MAP4: variants seen among roughly 807,000 people sequenced by gnomAD.
The protein encoded by MAP4 is microtubule-associated protein 4.
In MAP4, 76 loss-of-function variants were observed where a neutral mutation model predicts 170.2. The observed-to-expected ratio is 0.45, with a 90% confidence interval of 0.37 to 0.54. MAP4 has a LOEUF of 0.54. Among genes scored for constraint, MAP4 ranks in the 20% least tolerant of loss-of-function variants. The probability of loss-of-function intolerance (pLI) is 0.00; values close to 1 mark genes in which losing one functional copy is unlikely to be tolerated. For synonymous variants in MAP4, 909 were observed against 994.5 expected (o/e 0.91, Z 1.62); for missense variants, 2,506 against 2,748.0 (o/e 0.91, Z 1.97).
At chr3:48,059,282 A>C (rs1425321292) in intron 1 of MAP4, among the ~76,000 whole-genome samples, 1 of 151,842 alleles carries the variant, frequency 6.6e-6, no homozygotes, top group African/African-American at 2.4e-5. Flanking sequence ...TGGGAGGCCA[A>C]GGTGGGGAGA....
chr3:48,037,368 A>G (rs1468171750), intron 1 of MAP4, among the ~76,000 whole-genome samples: 1 of 152,186 alleles, frequency 6.6e-6, no homozygotes, highest in African/African-American at 2.4e-5. Flanking sequence ...CTTAATAATT[A>G]AAATGCTATT....
intron 1 of MAP4, among the ~76,000 whole-genome samples, chr3:48,071,887 G>A (rs781673047): frequency 2.0e-5 from 3 of 150,962 alleles, no homozygotes; most frequent in Non-Finnish European, 4.4e-5. Context: ...CTAGGCAACA[G>A]AGTTAGACTT....
chr3:48,068,512 A>T (rs1479086954), intron 1 of MAP4, among the ~76,000 whole-genome samples: 1 of 152,114 alleles, frequency 6.6e-6, no homozygotes, highest in Admixed American at 6.6e-5. Context: ...GGGACTGGCC[A>T]GGTGTGGTGG....
chr3:48,087,612 C>A (rs929424377), intron 1 of MAP4, among the ~76,000 whole-genome samples: 2 of 152,080 alleles, frequency 1.3e-5, no homozygotes, highest in African/African-American at 4.8e-5. Context: ...CACAAATATC[C>A]CCTGATGCAA....
intron 3 of MAP4, among the ~76,000 whole-genome samples, chr3:47,951,717 C>A (rs925015646): frequency 1.3e-5 from 2 of 152,204 alleles, no homozygotes; most frequent in Non-Finnish European, 2.9e-5. Context: ...CACCTCCCAG[C>A]CACCTGCCTT....
chr3:47,882,861 T>C (rs1382820146), intron 10 of MAP4, among the ~76,000 whole-genome samples: 2 of 152,084 alleles, frequency 1.3e-5, no homozygotes, highest in Non-Finnish European at 2.9e-5. Context: ...GGTTGGAGTG[T>C]AGTGGCACAA....
At chr3:47,899,908 G>A (rs1346697460) in intron 10 of MAP4, among the ~76,000 whole-genome samples, 1 of 152,198 alleles carries the variant, frequency 6.6e-6, no homozygotes, top group Non-Finnish European at 1.5e-5. Context: ...TCTTGGCAAA[G>A]CCTGCAGGTC....
chr3:48,062,503 A>AC (rs1193630033), intron 1 of MAP4, among the ~76,000 whole-genome samples: 1 of 150,258 alleles, frequency 6.7e-6, no homozygotes, highest in African/African-American at 2.4e-5. Flanking sequence ...ATAAAAAAAA[A>AC]AAAAAAAAAA....
At chr3:47,906,785 G>GA (rs1479713455) in intron 9 of MAP4, among the ~76,000 whole-genome samples, 4 of 141,240 alleles carry the variant, frequency 2.8e-5, no homozygotes, top group African/African-American at 1.1e-4. Context: ...CATGTACCAG[G>GA]AAAAAAGATT....
intron 1 of MAP4, among the ~76,000 whole-genome samples, chr3:48,067,744 A>T (rs972298923): frequency 1.3e-5 from 2 of 150,024 alleles, no homozygotes; most frequent in African/African-American, 4.9e-5. Context: ...GGTTCAAGCG[A>T]TTCTCCTGCC....
intron 5 of MAP4, among the ~76,000 whole-genome samples, chr3:47,920,519 G>A (rs1338419113): frequency 1.3e-5 from 2 of 150,978 alleles, no homozygotes; most frequent in South Asian, 2.1e-4. Flanking sequence ...CTGGGATTAC[G>A]GGCGTGTGCC....
intron 1 of MAP4, among the ~76,000 whole-genome samples, chr3:48,084,628 A>G (rs1001771444): frequency 6.6e-6 from 1 of 151,210 alleles, no homozygotes; most frequent in African/African-American, 2.4e-5. Context: ...GCAAGGCTGA[A>G]GTGCAGTGGC....
At chr3:48,087,634 T>C (rs2100149794) in intron 1 of MAP4, among the ~76,000 whole-genome samples, 1 of 151,654 alleles carries the variant, frequency 6.6e-6, no homozygotes. Context: ...GCCACAACCA[T>C]CCCTGGGAAA....
At chr3:47,920,662 C>T (rs2100042351) in intron 5 of MAP4, among the ~76,000 whole-genome samples, 1 of 151,846 alleles carries the variant, frequency 6.6e-6, no homozygotes, top group Non-Finnish European at 1.5e-5. Context: ...AGCAATCCTT[C>T]CACCTCAGCC....
chr3:47,892,884 A>C, intron 10 of MAP4: 1 of 1,001,204 alleles, frequency 1.0e-6, no homozygotes, highest in South Asian at 4.5e-5. Flanking sequence ...GCATACCCAC[A>C]CACTCATTTA....
rs115210279 is a variant in MAP4 at position 48,059,123 on chromosome 3, T to A, written c.-20+29650A>T. Among the ~76,000 whole-genome samples, 1,307 of 152,030 alleles carry A rather than the reference T, an allele frequency of 8.6e-3. 19 individuals carry two copies. The highest frequency in any genetic ancestry group is 0.033 in the South Asian group (157 of 4,814). ...AGCCTTCATCATTAAGTAATGAAAG[T>A]GAAAGTAGAGTCAGCAGTCAGTAAA... On this transcript the variant is annotated intron_variant, in intron 1 of 18. Coordinates refer to the MAP4 transcript ENST00000360240.
chr3:48,056,702 T>C (rs1304259648), intron 1 of MAP4, among the ~76,000 whole-genome samples: 269 of 68,636 alleles, frequency 3.9e-3, no homozygotes, highest in South Asian at 5.0e-3. Context: ...CCGCCCCGTC[T>C]GGGAGGTGAG....
intron 3 of MAP4, among the ~76,000 whole-genome samples, chr3:47,963,076 T>G (rs2100072644): frequency 6.6e-6 from 1 of 152,220 alleles, no homozygotes; most frequent in Non-Finnish European, 1.5e-5. Context: ...AAACTCTTCT[T>G]TCAGTCTGCC....
intron 1 of MAP4, among the ~76,000 whole-genome samples, chr3:48,036,552 C>G (rs544914965): frequency 6.6e-6 from 1 of 152,170 alleles, no homozygotes; most frequent in Non-Finnish European, 1.5e-5. Flanking sequence ...TTCTTGATAT[C>G]GTCATGTATA....
Sources: allele counts gnomAD v4.1 joint callset (sites outside exome capture counted in the v4.1 genomes callset), GRCh38; gene constraint gnomAD v4.1.1; transcripts MANE v1.5; gene names NCBI Gene and HGNC (gene_info 2026-07-23, HGNC 2026-07-21).